Variants in CBFA2T2 observed in about 807,000 individuals in gnomAD.
CBFA2T2 encodes protein CBFA2T2.
CBFA2T2 carries 11 observed loss-of-function variants against 62.2 expected under a neutral mutation model. The observed-to-expected ratio is 0.18, with a 90% CI of 0.11 to 0.29. The LOEUF is 0.29. Ranked by LOEUF, CBFA2T2 falls within the 10% of genes least tolerant of loss-of-function variation. The pLI is 1.00. For missense variants in CBFA2T2, 592 were observed against 774.1 expected, an observed-to-expected ratio of 0.76 and a Z score of 2.79; for synonymous variants, 295 against 287.5, an observed-to-expected ratio of 1.03 and a Z score of -0.27.
intron 5 of CBFA2T2, 132 bp downstream of exon 5, chr20:33,623,428 T>G (rs1022909925): frequency 7.8e-6 from 8 of 1,024,016 alleles, no homozygotes; most frequent in Non-Finnish European, 1.2e-5. Context: ...GGCCTGGCTC[T>G]GTCGCCCAGA....
At chr20:33,553,272 G>A (rs1198218213) in intron 1 of CBFA2T2, among the ~76,000 whole-genome samples, 1 of 152,106 alleles carries the variant, frequency 6.6e-6, no homozygotes, top group Non-Finnish European at 1.5e-5. Flanking sequence ...TTACCCAGGC[G>A]GGAGTGCAAT....
At position 33,535,624 on chromosome 20, in the gene CBFA2T2, T is replaced by A. The variant is rs1345626791; in HGVS notation, c.34+45323T>A. Among the ~76,000 whole-genome samples, 852 of 125,208 alleles carry A rather than the reference T, an allele frequency of 6.8e-3. 10 individuals carry two copies. The highest frequency in any genetic ancestry group is 0.032 in the African/African-American group (821 of 25,556). The allele number at this position is 125,208 out of a possible 152,430, so 82.1% of individuals were successfully genotyped here. On this transcript the variant is annotated intron_variant, in intron 1 of 10. Transcript: ENST00000342704. The stretch of plus-strand genomic sequence containing the variant: ...TTTATTTTTATTTTTTTATTTTTTC[T>A]TTTTTTTTTTGACCTTTTAAATATT...
intron 1 of CBFA2T2, among the ~76,000 whole-genome samples, chr20:33,534,756 T>TTA (rs1246578583): frequency 2.7e-4 from 38 of 140,034 alleles, no homozygotes; most frequent in Middle Eastern, 3.5e-3. Context: ...TTTAGCTTTT[T>TTA]TTTTTTTTTT....
chr20:33,636,030 G>A (rs368565228), intron 8 of CBFA2T2, among the ~76,000 whole-genome samples: 17 of 151,798 alleles, frequency 1.1e-4, no homozygotes, highest in Non-Finnish European at 2.5e-4. Context: ...TGAAATTTCC[G>A]AAACACGTAG....
Position 33,591,660 on chromosome 20 carries a change from C to T in CBFA2T2, c.35-15296C>T, listed in dbSNP as rs78769791. ...CACATATACCATTTCATTGGACAAA[C>T]TTATTTTTACTTAATAGAATATAAT... On this transcript the variant is annotated intron_variant, in intron 1 of 10. Transcript: ENST00000342704. 7.3e-3 allele frequency among the ~76,000 whole-genome samples: 1,105 copies of T among 152,178 alleles called. 17 individuals are homozygous for T. The highest frequency in any genetic ancestry group is 0.025 in the African/African-American group (1,051 of 41,532).
intron 1 of CBFA2T2, among the ~76,000 whole-genome samples, chr20:33,524,459 C>A (rs570998279): frequency 6.6e-6 from 1 of 152,116 alleles, no homozygotes; most frequent in South Asian, 2.1e-4. Context: ...GGCTTTCAGA[C>A]TGTGGGTTCT....
At chr20:33,536,757 A>T (rs2012257376) in intron 1 of CBFA2T2, among the ~76,000 whole-genome samples, 1 of 147,968 alleles carries the variant, frequency 6.8e-6, no homozygotes, top group Non-Finnish European at 1.5e-5. Context: ...CGCTCCCCAC[A>T]TCTCAGGCGA....
At chr20:33,619,117 G>A (rs1013338136) in intron 3 of CBFA2T2, among the ~76,000 whole-genome samples, 2 of 152,216 alleles carry the variant, frequency 1.3e-5, no homozygotes, top group African/African-American at 2.4e-5. Flanking sequence ...GCTCACCCCT[G>A]TAATCCCAAC....
At chr20:33,628,247 G>A (rs913326805) in intron 6 of CBFA2T2, 103 bp from the exon 7 acceptor site, 10 of 783,012 alleles carry the variant, frequency 1.3e-5, no homozygotes, top group Non-Finnish European at 2.3e-5. Context: ...TGCCTTAGTA[G>A]TGTGATCAAA....
chr20:33,634,689 A>C (rs1407537032), intron 8 of CBFA2T2, among the ~76,000 whole-genome samples: 2 of 149,644 alleles, frequency 1.3e-5, no homozygotes, highest in Non-Finnish European at 2.9e-5. Context: ...AAAAAAAAAA[A>C]AAAAAAAGAA....
At position 33,623,168 on chromosome 20, in the gene CBFA2T2, G is replaced by C. The variant is rs199515579; in HGVS notation, c.564G>C (p.Lys188Asn). Residue 188 changes from lysine (K) to asparagine (N), a missense_variant, in exon 5 of 11, where the codon AAG (lysine) becomes AAC (asparagine). Lys to Asn is a moderately conservative substitution (Grantham distance 94). Coordinates refer to ENST00000342704, the MANE Select transcript of CBFA2T2 (RefSeq NM_001032999.3). ...TGCTGCACTGCGCTCGGGCGGCCAA[G>C]CAGACCCCATCCCAGTACCTGGCTC... ...RELLHCARAA[K>N]QTPSQYLAQH... The C allele has an allele frequency of 1.0e-4, 163 of 1,614,234 alleles. 1 individual carries two copies. Among genetic ancestry groups the C allele is most frequent in the Middle Eastern group, 9.9e-4 (6 of 6,062 alleles).
intron 1 of CBFA2T2, among the ~76,000 whole-genome samples, chr20:33,524,875 C>T (rs1293344313): frequency 1.3e-5 from 2 of 152,140 alleles, no homozygotes; most frequent in Non-Finnish European, 2.9e-5. Flanking sequence ...ACTGTGTTGC[C>T]CAGGCATGGA....
At chr20:33,579,776 CA>C (rs1156595660) in intron 1 of CBFA2T2, among the ~76,000 whole-genome samples, 1 of 151,130 alleles carries the variant, frequency 6.6e-6, no homozygotes, top group African/African-American at 2.4e-5. Context: ...ACATATTATA[CA>C]GACATCTTGG....
rs1163798003 is a variant in CBFA2T2 at position 33,644,685 on chromosome 20, A to G, written c.*39A>G. 12 of 1,554,706 alleles carry G rather than the reference A, an allele frequency of 7.7e-6. No homozygotes were observed. Among genetic ancestry groups the G allele is most frequent in the South Asian group, 1.2e-5 (1 of 82,758 alleles). Reference sequence around the variant, plus strand: ...CTTACCCTGATGGCTGCTCAGCACCACAGAGTGCTTGGGCTGAGGGACTGA... The same window carrying G: ...CTTACCCTGATGGCTGCTCAGCACCGCAGAGTGCTTGGGCTGAGGGACTGA... On this transcript the variant is annotated 3_prime_UTR_variant, in exon 11 of 11. Coordinates refer to ENST00000342704, the MANE Select transcript of CBFA2T2 (RefSeq NM_001032999.3).
intron 1 of CBFA2T2, among the ~76,000 whole-genome samples, chr20:33,513,108 C>G (rs541693735): frequency 6.6e-6 from 1 of 152,242 alleles, no homozygotes; most frequent in South Asian, 2.1e-4. Flanking sequence ...GAGGGACATA[C>G]AGTGTGCATA....
chr20:33,513,406 C>G (rs1276719576), intron 1 of CBFA2T2, among the ~76,000 whole-genome samples: 1 of 150,910 alleles, frequency 6.6e-6, no homozygotes, highest in East Asian at 2.0e-4. Context: ...GTCTCCCAGG[C>G]TGGAGTGCAG....
At position 33,578,450 on chromosome 20, in the gene CBFA2T2, A is replaced by T. The variant is rs1398518710; in HGVS notation, c.35-28506A>T. On this transcript the variant is annotated intron_variant, in intron 1 of 10. Transcript: ENST00000342704. The stretch of plus-strand genomic sequence containing the variant: ...GAAGGGAATTTTCTTAAGTAAACTT[A>T]TGTTTGTACCCATTTGCTACTATTT... Among the ~76,000 whole-genome samples, 8 of 152,194 alleles carry T rather than the reference A, an allele frequency of 5.3e-5. No individual in the cohort carries two copies. In the East Asian group the frequency reaches 1.5e-3, roughly 29 times the overall value.
At position 33,625,256 on chromosome 20, in the gene CBFA2T2, T is replaced by TAG. The variant is rs568504007; in HGVS notation, c.946+244_946+245dup. On this transcript the variant is annotated intron_variant, in intron 6 of 10. Coordinates refer to ENST00000342704, the MANE Select transcript of CBFA2T2 (RefSeq NM_001032999.3). ...GACTGGTGTCTGTAATCCCAGCTCT[T>TAG]AGAGAGGCTGAGGTGGAAGGATCAC... 3.5e-3 allele frequency among the ~76,000 whole-genome samples: 533 copies of TAG among 152,074 alleles called. 3 individuals carry two copies. The highest frequency in any genetic ancestry group is 0.012 in the African/African-American group (510 of 41,478).
chr20:33,564,196 T>G (rs536046490), intron 1 of CBFA2T2, among the ~76,000 whole-genome samples: 1 of 152,274 alleles, frequency 6.6e-6, no homozygotes, highest in South Asian at 2.1e-4. Context: ...AGTATAGTAC[T>G]CTTCAATTTC....
Sources: allele counts gnomAD v4.1 joint callset (sites outside exome capture counted in the v4.1 genomes callset), GRCh38; gene constraint gnomAD v4.1.1; transcripts MANE v1.5; gene names NCBI Gene and HGNC (gene_info 2026-07-23, HGNC 2026-07-21).